The following MYBPC1 variants were observed in gnomAD, a reference collection of about 807,000 sequenced individuals.
MYBPC1 encodes the protein myosin-binding protein C, slow-type.
Under a neutral mutation model 147.1 loss-of-function variants are expected in MYBPC1, and 52 were observed. The ratio of observed to expected loss-of-function variants is 0.35; its 90% CI spans 0.28 to 0.45. The LOEUF (loss-of-function observed/expected upper bound fraction) is 0.45, where lower values mean the gene tolerates loss of function less well. Ranked by LOEUF, MYBPC1 falls within the 20% of genes least tolerant of loss-of-function variation. The probability of loss-of-function intolerance (pLI) is 1.00; values close to 1 mark genes in which losing one functional copy is unlikely to be tolerated. For synonymous variants in MYBPC1, 477 were observed against 475.9 expected, an observed-to-expected ratio of 1.00 and a Z score of -0.03; for missense variants, 1,228 against 1,440.3, an observed-to-expected ratio of 0.85 and a Z score of 2.39.
chr12:101,657,288 C>T (rs573738520), intron 18 of MYBPC1, among the ~76,000 whole-genome samples: 6 of 151,972 alleles, frequency 3.9e-5, no homozygotes, highest in Admixed American at 2.6e-4. Context: ...TCAAAGTTTA[C>T]GTGTTAGAAA....
intron 12 of MYBPC1, 75 bp from the exon 13 acceptor site, chr12:101,646,688 C>T: frequency 1.3e-6 from 2 of 1,548,636 alleles, no homozygotes; most frequent in Non-Finnish European, 1.8e-6. Flanking sequence ...AATTATAAGC[C>T]AAATTTGCTG....
chr12:101,640,894 C>T (rs1452785828), intron 10 of MYBPC1, among the ~76,000 whole-genome samples: 1 of 152,006 alleles, frequency 6.6e-6, no homozygotes, highest in African/African-American at 2.4e-5. Context: ...GTGGACGGAT[C>T]ACTTGAGGTC....
chr12:101,647,032 G>C, intron 13 of MYBPC1, 145 bp downstream of exon 13: 1 of 1,034,182 alleles, frequency 9.7e-7, no homozygotes, highest in Non-Finnish European at 1.5e-6. Flanking sequence ...TTGAAGACTA[G>C]AACAGCAGAG....
chr12:101,611,208 CT>C (rs1884163091), intron 1 of MYBPC1, among the ~76,000 whole-genome samples: 4 of 152,204 alleles, frequency 2.6e-5, no homozygotes, highest in African/African-American at 9.6e-5. Context: ...TCCTAATATC[CT>C]ATAATGTTTC....
At chr12:101,662,321 A>G in intron 20 of MYBPC1, 37 bp from the exon 21 acceptor site, 2 of 1,608,830 alleles carry the variant, frequency 1.2e-6, no homozygotes, top group Non-Finnish European at 1.7e-6. Flanking sequence ...TTCAGAGACC[A>G]AGGAAAAACC....
chr12:101,694,124 A>G, the MYBPC1 span, among the ~76,000 whole-genome samples: 3 of 152,340 alleles, frequency 2.0e-5, no homozygotes, highest in East Asian at 3.9e-4. Context: ...ATAAACCTCT[A>G]TTCCATTTAG....
At chr12:101,667,598 C>T in intron 22 of MYBPC1, 134 bp from the exon 23 acceptor site, 2 of 1,077,452 alleles carry the variant, frequency 1.9e-6, no homozygotes, top group Non-Finnish European at 2.8e-6. Context: ...GGAGTCCAGA[C>T]CAAAGTCATA....
chr12:101,605,135 T>C (rs752750251), intron 1 of MYBPC1, among the ~76,000 whole-genome samples: 2 of 152,162 alleles, frequency 1.3e-5, no homozygotes, highest in Non-Finnish European at 2.9e-5. Context: ...GGCCCTTTTA[T>C]TTGGGTGGTC....
chr12:101,694,759 C>CTTT, the MYBPC1 span, among the ~76,000 whole-genome samples: 39,806 of 149,696 alleles, frequency 0.27, 6,676 homozygotes, highest in African/African-American at 0.47. Context: ...AATACATCTG[C>CTTT]TTTTTTTTTT....
chr12:101,626,472 G>C (rs1333848392), intron 3 of MYBPC1, among the ~76,000 whole-genome samples: 1 of 152,170 alleles, frequency 6.6e-6, no homozygotes, highest in African/African-American at 2.4e-5. Flanking sequence ...TTTTATGTCT[G>C]TGTCCAAACG....
intron 14 of MYBPC1, 137 bp from the exon 15 acceptor site, chr12:101,649,123 T>C: frequency 2.6e-6 from 2 of 757,644 alleles, no homozygotes; most frequent in Non-Finnish European, 4.4e-6. Flanking sequence ...ATTCGTACAT[T>C]TTTTAATTCA....
intron 3 of MYBPC1, among the ~76,000 whole-genome samples, chr12:101,620,685 C>T (rs541943968): frequency 5.9e-5 from 9 of 152,070 alleles, no homozygotes; most frequent in East Asian, 1.9e-4. Flanking sequence ...TGGAAAGTTC[C>T]GAAAATGGTT....
intron 20 of MYBPC1, 91 bp from the exon 21 acceptor site, chr12:101,662,267 A>G: frequency 7.4e-7 from 1 of 1,346,516 alleles, no homozygotes; most frequent in Non-Finnish European, 1.0e-6. Flanking sequence ...ATTGATGACA[A>G]AATGCAAAAT....
chr12:101,633,697 A>T (rs1157964557), intron 8 of MYBPC1, among the ~76,000 whole-genome samples: 2 of 151,738 alleles, frequency 1.3e-5, no homozygotes, highest in Non-Finnish European at 2.9e-5. Flanking sequence ...AACAAAAAAA[A>T]AAAAGGACGA....
At chr12:101,683,720 A>T (rs976915720) in intron 30 of MYBPC1, among the ~76,000 whole-genome samples, 2 of 151,958 alleles carry the variant, frequency 1.3e-5, no homozygotes, top group African/African-American at 4.8e-5. Context: ...AACCCTGATA[A>T]TGTAGATCTA....
chr12:101,646,907 T>C lies in MYBPC1; in HGVS notation c.1090+20T>C. Reference sequence around the variant, plus strand: ...TAAGAGGTAAAAATGAAATCTCTTATTGTGGTCACCAGGAGCTGTTGGCTT... The same window carrying C: ...TAAGAGGTAAAAATGAAATCTCTTACTGTGGTCACCAGGAGCTGTTGGCTT... On this transcript the variant is annotated intron_variant, in intron 13 of 31. Transcript: ENST00000361466. 16 of 1,613,888 alleles carry C rather than the reference T, an allele frequency of 9.9e-6. No individual in the cohort carries two copies. Among genetic ancestry groups the C allele is most frequent in the Non-Finnish European group, 1.4e-5 (16 of 1,179,792 alleles).
In MYBPC1 at chr12:101,655,358, A is replaced by C. The variant is rs149513506; in HGVS notation, c.1767+2110A>C. Among the ~76,000 whole-genome samples the C allele has an allele frequency of 4.5e-3, 686 of 152,310 alleles. 3 individuals carry two copies. The highest frequency in any genetic ancestry group is 0.016 in the African/African-American group (656 of 41,582). ...AATGTCTCAGATAAAAAATATGTAG[A>C]TGGAATTAATAGCTAATTAGACATT... On this transcript the variant is annotated intron_variant, in intron 18 of 31. Transcript: ENST00000361466.
chr12:101,671,372 C>G (rs1898686840), intron 24 of MYBPC1, among the ~76,000 whole-genome samples: 1 of 152,002 alleles, frequency 6.6e-6, no homozygotes. Flanking sequence ...CACACATGCA[C>G]ACACAGAGAG....
intron 28 of MYBPC1, 22 bp from the exon 29 acceptor site, chr12:101,680,321 G>C (rs1416145747): frequency 6.2e-7 from 1 of 1,610,454 alleles, no homozygotes; most frequent in Non-Finnish European, 8.5e-7. Flanking sequence ...TTTGACCTAA[G>C]TTTCTTCAAT....
Sources: allele counts gnomAD v4.1 joint callset (sites outside exome capture counted in the v4.1 genomes callset), GRCh38; gene constraint gnomAD v4.1.1; transcripts MANE v1.5; gene names NCBI Gene and HGNC (gene_info 2026-07-23, HGNC 2026-07-21).